Variants in KAZN observed in about 807,000 individuals in gnomAD.
KAZN encodes the protein kazrin.
In KAZN, 40 loss-of-function variants were observed where a neutral mutation model predicts 87.4. The observed-to-expected ratio is 0.46, with a 90% CI of 0.36 to 0.60. The LOEUF is 0.60. Ranked by LOEUF, KAZN falls within the 20% of genes least tolerant of loss-of-function variation. The probability of loss-of-function intolerance (pLI) is 0.00; values close to 1 mark genes in which losing one functional copy is unlikely to be tolerated. For missense variants in KAZN, 898 were observed against 1,073.9 expected (o/e 0.84, Z 2.29); for synonymous variants, 466 against 458.3 (o/e 1.02, Z -0.22).
rs147031411 is a variant in KAZN at position 14,685,607 on chromosome 1, A to C, written c.226+86384A>C. 2.7e-3 allele frequency among the ~76,000 whole-genome samples: 416 copies of C among 152,354 alleles called. 2 individuals carry two copies. Among genetic ancestry groups the C allele is most frequent in the African/African-American group, 9.4e-3 (389 of 41,590 alleles). ...TTGCAGTCAAATCGTTCGCCTGCTC[A>C]GAGTCACTTGTGGTTAGTTTCAAGC... On this transcript the variant is annotated intron_variant, in intron 1 of 14. Transcript: ENST00000376030.
In KAZN at chr1:14,287,937, CAT is replaced by C. The variant is rs1159762586; in HGVS notation, c.249+107346_249+107347del. 7.9e-5 allele frequency among the ~76,000 whole-genome samples: 11 copies of C among 139,802 alleles called. No individual in the cohort carries two copies. The East Asian group carries it at 2.4e-3, about 30-fold the overall frequency. 91.7% of individuals were successfully genotyped at this position (139,802 alleles called of 152,430 possible). ...CCTTTTGTGCATCTGTTGAGATAAT[CAT>C]GTGGTTTTTGTTGATGGTTGTGTTT... On this transcript the variant is annotated intron_variant, in intron 2 of 16. Transcript: ENST00000636203.
intron 2 of KAZN, among the ~76,000 whole-genome samples, chr1:14,526,366 G>A (rs1671865793): frequency 6.6e-6 from 1 of 152,198 alleles, no homozygotes; most frequent in Non-Finnish European, 1.5e-5. Flanking sequence ...GCCCATTCAT[G>A]TTTCAGAGCC....
At chr1:14,947,269 C>A (rs751323311) in intron 1 of KAZN, among the ~76,000 whole-genome samples, 5 of 151,894 alleles carry the variant, frequency 3.3e-5, no homozygotes, top group Non-Finnish European at 7.4e-5. Context: ...ATTTTTTTTT[C>A]CTCAAGGGTG....
At position 15,099,766 on chromosome 1, in the gene KAZN, GGGATGC is replaced by G. The variant is rs1264255404; in HGVS notation, c.1548-1773_1548-1768del. Reference sequence around the variant, plus strand: ...TAAAAGGACCCCCTGGTGGTCCTGGGGGATGCGGAATAGAAGGGAAGCAAAGGCAGG... The same window carrying G: ...TAAAAGGACCCCCTGGTGGTCCTGGGGGAATAGAAGGGAAGCAAAGGCAGG... On this transcript the variant is annotated intron_variant, in intron 10 of 14. Transcript: ENST00000376030. The surrounding 1 kb of genome is among the most constrained non-coding windows in gnomAD (Gnocchi z 5.4). Among the ~76,000 whole-genome samples the G allele has an allele frequency of 3.3e-5, 5 of 152,194 alleles. No homozygotes were observed. The highest frequency in any genetic ancestry group is 7.4e-5 in the Non-Finnish European group (5 of 68,026).
chr1:14,069,217 G>A (rs1643145198), intron 1 of KAZN, among the ~76,000 whole-genome samples: 1 of 152,208 alleles, frequency 6.6e-6, no homozygotes, highest in Admixed American at 6.5e-5. Flanking sequence ...GTCTGTAGCT[G>A]CATTACACAG....
chr1:14,213,806 T>TGTG (rs1646904586), intron 2 of KAZN, among the ~76,000 whole-genome samples: 2 of 152,314 alleles, frequency 1.3e-5, no homozygotes, highest in Non-Finnish European at 2.9e-5. Flanking sequence ...TGAGGCTACC[T>TGTG]GTGGTGGCCC....
intron 1 of KAZN, among the ~76,000 whole-genome samples, chr1:13,957,721 C>G (rs1287284176): frequency 6.6e-6 from 1 of 152,074 alleles, no homozygotes; most frequent in Non-Finnish European, 1.5e-5. Flanking sequence ...AGAATAAACT[C>G]TCACTGGAAC....
chr1:14,319,971 G>C (rs1168710954), intron 2 of KAZN, among the ~76,000 whole-genome samples: 1 of 149,260 alleles, frequency 6.7e-6, no homozygotes. Flanking sequence ...GGTGAGAATA[G>C]TTTGTTGTTA....
intron 1 of KAZN, among the ~76,000 whole-genome samples, chr1:14,097,720 C>T (rs1286997337): frequency 6.6e-6 from 1 of 152,158 alleles, no homozygotes; most frequent in Non-Finnish European, 1.5e-5. Flanking sequence ...TTCACTGCCT[C>T]TCATATTCAT....
chr1:14,797,738 G>T (rs749400797), intron 1 of KAZN, among the ~76,000 whole-genome samples: 16 of 152,066 alleles, frequency 1.1e-4, no homozygotes, highest in Non-Finnish European at 2.9e-5. Context: ...ACTAGTTACG[G>T]GGCCCCAGGC....
chr1:14,929,453 A>C (rs1659548976), intron 1 of KAZN, among the ~76,000 whole-genome samples: 1 of 152,152 alleles, frequency 6.6e-6, no homozygotes, highest in South Asian at 2.1e-4. Context: ...TTCTGGAGGA[A>C]GAAGAGTTTG....
chr1:13,902,099 C>G (rs1639273025), intron 1 of KAZN, among the ~76,000 whole-genome samples: 1 of 152,242 alleles, frequency 6.6e-6, no homozygotes, highest in South Asian at 2.1e-4. Context: ...AGAGCTGGCT[C>G]TCTGCCCTTG....
In KAZN at chr1:14,740,550, C is replaced by A. The variant is rs189838177; in HGVS notation, c.226+141327C>A. Among the ~76,000 whole-genome samples the A allele has an allele frequency of 5.3e-5, 8 of 152,164 alleles. No individual in the cohort carries two copies. The East Asian group carries it at 1.2e-3, about 22-fold the overall frequency. ...CATCCTATCCTCTGCCTCCGCCCCC[C>A]CAAAAAAATGAATTACATTGTATGG... On this transcript the variant is annotated intron_variant, in intron 1 of 14. Transcript: ENST00000376030.
intron 2 of KAZN, among the ~76,000 whole-genome samples, chr1:14,329,663 A>G (rs963434594): frequency 6.6e-6 from 1 of 152,170 alleles, no homozygotes; most frequent in Non-Finnish European, 1.5e-5. Context: ...CAGCAAAAAC[A>G]ATAACCAGAC....
chr1:14,405,218 G>A (rs1571543339), intron 2 of KAZN, among the ~76,000 whole-genome samples: 1 of 152,176 alleles, frequency 6.6e-6, no homozygotes, highest in African/African-American at 2.4e-5. Context: ...TTTCTCTTTT[G>A]CTCTGATGGA....
chr1:14,546,062 C>T (rs909790335), intron 2 of KAZN, among the ~76,000 whole-genome samples: 37 of 152,152 alleles, frequency 2.4e-4, no homozygotes, highest in African/African-American at 8.9e-4. Flanking sequence ...ACATGATGTA[C>T]CTTCAGGGTT....
chr1:14,211,021 T>A (rs1211928098), intron 2 of KAZN, among the ~76,000 whole-genome samples: 1 of 152,064 alleles, frequency 6.6e-6, no homozygotes, highest in African/African-American at 2.4e-5. Flanking sequence ...AAAAATAGTC[T>A]TTACCTCTTA....
At chr1:14,357,191 A>G (rs1395795473) in intron 2 of KAZN, among the ~76,000 whole-genome samples, 1 of 151,862 alleles carries the variant, frequency 6.6e-6, no homozygotes, top group Non-Finnish European at 1.5e-5. Flanking sequence ...GCAACTGTGA[A>G]TAGGAGTTCA....
In KAZN at chr1:14,050,617, C is replaced by T. The variant is rs147356351; in HGVS notation, c.92-129818C>T. Among the ~76,000 whole-genome samples the T allele has an allele frequency of 9.8e-5, 15 of 152,314 alleles. No individual in the cohort carries two copies. In the East Asian group the frequency reaches 2.9e-3, roughly 29 times the overall value. On this transcript the variant is annotated intron_variant, in intron 1 of 16. Coordinates refer to the KAZN transcript ENST00000636203. ...GAGGAAACTGCCCACATCATCCAAT[C>T]ACTTCCCTCCCTCGACATGTGGGGA...
Sources: gnomAD v4.1 joint callset for allele counts (sites outside exome capture counted in the v4.1 genomes callset) on GRCh38, gnomAD v4.1.1 for gene constraint, Gnocchi (gnomAD v3.1) non-coding constraint, MANE v1.5 for transcripts, NCBI Gene and HGNC (gene_info 2026-07-23, HGNC 2026-07-21) for gene names.